The following FLYWCH1 variants were observed in gnomAD, a reference collection of about 807,000 sequenced individuals.
The protein encoded by FLYWCH1 is FLYWCH-type zinc finger 1, also known as FLYWCH-type zinc finger-containing protein 1.
FLYWCH1 carries 75 observed loss-of-function variants against 66.4 expected under a neutral mutation model. The ratio of observed to expected loss-of-function variants is 1.13; its 90% CI spans 0.94 to 1.37. The LOEUF is 1.37. Among genes scored for constraint, FLYWCH1 ranks in the 40% most tolerant of loss-of-function variants. FLYWCH1 has a pLI of 0.00. For synonymous variants in FLYWCH1, 595 were observed against 429.9 expected (o/e 1.38, Z -4.75); for missense variants, 1,334 against 1,001.8 (o/e 1.33, Z -4.48).
chr16:2,930,153 G>A, intron 3 of FLYWCH1, 143 bp downstream of exon 3: 1 of 784,902 alleles, frequency 1.3e-6, no homozygotes, highest in South Asian at 1.8e-5. Context: ...GCGTGTCCGA[G>A]GCTGGTGGGA....
At chr16:2,939,389 G>A (rs1041719391) in intron 8 of FLYWCH1, among the ~76,000 whole-genome samples, 1 of 152,096 alleles carries the variant, frequency 6.6e-6, no homozygotes, top group East Asian at 1.9e-4. Flanking sequence ...CTGGGAGGCG[G>A]AGGTTGCAGT....
At position 2,922,805 on chromosome 16, in the gene FLYWCH1, T is replaced by C. The variant is rs1413008764; in HGVS notation, c.-73-6808T>C. On this transcript the variant is annotated intron_variant, in intron 2 of 9. Transcript: ENST00000253928. ...AGAGTTCTTCACAGCCTGTTTGAGC[T>C]GGTGCTTGTTGGCTTTAACATCCAC... The C allele has an allele frequency of 3.1e-5, 16 of 523,030 alleles. No homozygotes were observed. The Admixed American group carries it at 3.1e-4, about 10-fold the overall frequency. 32.4% of individuals were successfully genotyped at this position (523,030 alleles called of 1,614,324 possible).
At chr16:2,938,036 C>T in intron 7 of FLYWCH1, 148 bp from the exon 8 acceptor site, 2 of 773,794 alleles carry the variant, frequency 2.6e-6, no homozygotes, top group South Asian at 1.9e-5. Context: ...GCTGCAGGGC[C>T]CAGAGGGGAG....
At chr16:2,944,856 G>A (rs183344318) in intron 9 of FLYWCH1, among the ~76,000 whole-genome samples, 5 of 151,918 alleles carry the variant, frequency 3.3e-5, no homozygotes, top group African/African-American at 9.7e-5. Context: ...ACTGTAAAAC[G>A]GCCTCAGGCA....
In FLYWCH1 at chr16:2,939,521, G is replaced by C. The variant is rs2071171133; in HGVS notation, c.2051-511G>C. ...TGAAACCTTGAAAGAAAACAGCCTG[G>C]CCAACATGGTGAAACCCTGTCTCTA... On this transcript the variant is annotated intron_variant, in intron 8 of 9. Transcript: ENST00000253928. 3.9e-5 allele frequency among the ~76,000 whole-genome samples: 3 copies of C among 75,970 alleles called. No individual in the cohort carries two copies. The South Asian group carries it at 9.8e-4, about 25-fold the overall frequency. The allele number at this position is 75,970 out of a possible 152,430, so 49.8% of individuals were successfully genotyped here. A position where few individuals can be genotyped will look rare whatever the true frequency, so the allele number is the denominator to read the frequency against.
intron 2 of FLYWCH1, among the ~76,000 whole-genome samples, chr16:2,927,388 G>A (rs942883796): frequency 2.0e-5 from 3 of 152,144 alleles, no homozygotes; most frequent in Admixed American, 6.5e-5. Flanking sequence ...AGATATGAAC[G>A]CTTCACCATG....
In FLYWCH1 at chr16:2,925,521, G is replaced by A. The variant is rs976129050; in HGVS notation, c.-73-4092G>A. Among the ~76,000 whole-genome samples the A allele has an allele frequency of 2.8e-5, 4 of 145,166 alleles. No individual in the cohort carries two copies. In the East Asian group the frequency reaches 8.7e-4, roughly 32 times the overall value. On this transcript the variant is annotated intron_variant, in intron 2 of 9. Transcript: ENST00000253928. ...GAGGGAGCGGGAGGGGCGGGCTGCC[G>A]GTAGAAGGACTTGTGCCCAGGCCAA...
chr16:2,924,222 C>T (rs946604179), intron 2 of FLYWCH1, among the ~76,000 whole-genome samples: 3 of 151,350 alleles, frequency 2.0e-5, no homozygotes, highest in Non-Finnish European at 4.4e-5. Flanking sequence ...CCCAGCTCCT[C>T]GGGAGGCTGA....
chr16:2,945,533 G>T (rs560072709), intron 9 of FLYWCH1, among the ~76,000 whole-genome samples: 1 of 145,914 alleles, frequency 6.9e-6, no homozygotes, highest in Non-Finnish European at 1.5e-5. Flanking sequence ...GCACACACCT[G>T]TAATCCCAGC....
At chr16:2,913,884 G>C (rs1033012464) in intron 1 of FLYWCH1, among the ~76,000 whole-genome samples, 2 of 152,022 alleles carry the variant, frequency 1.3e-5, no homozygotes, top group Non-Finnish European at 2.9e-5. Context: ...TAGTAGAAAT[G>C]GTGGGGGCGA....
At chr16:2,936,476 G>A (rs2071006094) in intron 6 of FLYWCH1, 2 of 445,642 alleles carry the variant, frequency 4.5e-6, no homozygotes, top group South Asian at 3.2e-5. Flanking sequence ...TCTCCTCTAG[G>A]GCTTGCTACC....
chr16:2,939,924 T>A, intron 8 of FLYWCH1, 108 bp from the exon 9 acceptor site: 1 of 1,347,326 alleles, frequency 7.4e-7, no homozygotes, highest in East Asian at 2.6e-5. Context: ...CCGGTTGTCT[T>A]TCTCCTCACA....
chr16:2,945,087 C>T (rs544660690), intron 9 of FLYWCH1, among the ~76,000 whole-genome samples: 5 of 151,748 alleles, frequency 3.3e-5, no homozygotes, highest in South Asian at 2.1e-4. Context: ...TGGTGGCTCA[C>T]ACCTGTAATC....
At chr16:2,936,317 T>A (rs537349892) in intron 6 of FLYWCH1, 32 of 444,854 alleles carry the variant, frequency 7.2e-5, no homozygotes, top group Non-Finnish European at 1.2e-4. Flanking sequence ...ACCTCTTCTG[T>A]CTCGTGGTCC....
At chr16:2,936,173 A>C in intron 6 of FLYWCH1, 1 of 308,438 alleles carries the variant, frequency 3.2e-6, no homozygotes, top group Non-Finnish European at 6.4e-6. Flanking sequence ...GGCCTCCCAA[A>C]GTGCTGGGAT....
At chr16:2,936,005 G>C (rs2070983404) in intron 6 of FLYWCH1, 1 of 182,824 alleles carries the variant, frequency 5.5e-6, no homozygotes, top group African/African-American at 2.4e-5. Context: ...TGTCTCCCAG[G>C]TTCAAGTGAT....
rs554175554 is a variant in FLYWCH1, at chr16:2,938,243, G to T, written c.1837G>T (p.Glu613Ter). The change falls in exon 8 of 10, where the codon GAG becomes TAG. Residue 613 changes from glutamate to a stop codon, truncating the protein, a stop_gained. Coordinates refer to ENST00000253928, the MANE Select transcript of FLYWCH1 (RefSeq NM_001308068.2). LOFTEE classifies it high-confidence loss of function. ...CCTGGGGGGCAGGTTCCTGGTGCAC[G>T]AGTCCTTCCTCTACAGGAAGGAGAA... ...TSLGGRFLVH[E>*]SFLYRKEKAA... 6.2e-7 allele frequency: 1 copy of T among 1,613,232 alleles called. No homozygotes were observed. The highest frequency in any genetic ancestry group is 1.3e-5 in the African/African-American group (1 of 75,032).
chr16:2,936,617 G>A (rs1292239238), intron 6 of FLYWCH1: 1 of 457,486 alleles, frequency 2.2e-6, no homozygotes, highest in South Asian at 1.5e-5. Context: ...CACCCGCCAG[G>A]TCCTCCCTCT....
chr16:2,912,057 GGCC>G lies in FLYWCH1; in HGVS notation c.-284_-282del, dbSNP rs1403859854. 19 of 152,436 alleles carry G rather than the reference GGCC, an allele frequency of 1.2e-4. No homozygotes were observed. Among genetic ancestry groups the G allele is most frequent in the Non-Finnish European group, 2.1e-4 (14 of 68,182 alleles). The allele number at this position is 152,436 out of a possible 1,614,324, so 9.4% of individuals were successfully genotyped here. ...GTGCCCGGGTCGGGGTGGCGGCGGC[GGCC>G]TGGGTCGCGGGGTCGACGCTCGCTG... On this transcript the variant is annotated 5_prime_UTR_variant, in exon 1 of 10. Coordinates refer to ENST00000253928, the MANE Select transcript of FLYWCH1 (RefSeq NM_001308068.2).
Sources: allele counts gnomAD v4.1 joint callset (sites outside exome capture counted in the v4.1 genomes callset), GRCh38; gene constraint gnomAD v4.1.1; transcripts MANE v1.5; gene names NCBI Gene and HGNC (gene_info 2026-07-23, HGNC 2026-07-21).